The following PREX1 variants were observed in gnomAD, a reference collection of about 807,000 sequenced individuals.
The protein encoded by PREX1 is phosphatidylinositol 3,4,5-trisphosphate-dependent Rac exchanger 1 protein.
A neutral mutation model predicts 198.3 loss-of-function variants in PREX1; 41 were observed. That is an observed-to-expected ratio of 0.21 (90% CI 0.16 to 0.27). PREX1 has a LOEUF of 0.27. PREX1 is among the 10% of genes least tolerant of loss of function. PREX1 has a pLI of 1.00. For missense variants in PREX1, 1,620 were observed against 2,200.7 expected, an observed-to-expected ratio of 0.74 and a Z score of 5.28; for synonymous variants, 843 against 887.2, an observed-to-expected ratio of 0.95 and a Z score of 0.89.
intron 38 of PREX1, 102 bp from the exon 39 acceptor site, chr20:48,627,717 A>G: frequency 6.9e-7 from 1 of 1,445,040 alleles, no homozygotes. Flanking sequence ...AGGACCCAGA[A>G]GCTAAGATCC....
upstream of PREX1, among the ~76,000 whole-genome samples, chr20:48,830,578 C>T (rs557438526): frequency 2.5e-4 from 38 of 152,338 alleles, no homozygotes; most frequent in Non-Finnish European, 5.3e-4. Flanking sequence ...TTGGCCCACA[C>T]TGCCAAAAAA....
rs1281795164 is a variant in PREX1, at chr20:48,655,311, A to G, written c.2188T>C (p.Tyr730His). The change falls in exon 19 of 40, where the codon TAC becomes CAC. Residue 730 changes from tyrosine (Y) to histidine (H), a missense_variant. Tyr to His is a moderately conservative substitution (Grantham distance 83). Coordinates refer to ENST00000371941, the MANE Select transcript of PREX1 (RefSeq NM_020820.4). ...CFQIRGAAPP[Y>H]VYAVGRGSEA... ...TCACCTCTCCCCACAGCATAGACGT[A>G]CGGTGGGGCAGCTCCACGAATCTGG... 1.9e-6 allele frequency: 3 copies of G among 1,592,274 alleles called. No individual in the cohort carries two copies. Among genetic ancestry groups the G allele is most frequent in the South Asian group, 1.1e-5 (1 of 89,072 alleles).
chr20:48,701,564 C>T (rs923635461), intron 6 of PREX1, among the ~76,000 whole-genome samples: 4 of 151,912 alleles, frequency 2.6e-5, no homozygotes, highest in African/African-American at 7.3e-5. Flanking sequence ...TTCCCCACTA[C>T]TTATTTATGT....
At chr20:48,867,123 T>C in the PREX1 span, among the ~76,000 whole-genome samples, 1 of 152,282 alleles carries the variant, frequency 6.6e-6, no homozygotes, top group Non-Finnish European at 1.5e-5. Flanking sequence ...AAAGGAGGCC[T>C]CCTGCTCCCC....
chr20:48,639,824 G>A lies in PREX1; in HGVS notation c.3846C>T (p.Pro1282=), dbSNP rs935521278. The A allele has an allele frequency of 3.7e-6, 6 of 1,614,026 alleles. No individual in the cohort carries two copies. Among genetic ancestry groups the A allele is most frequent in the Non-Finnish European group, 8.5e-7 (1 of 1,180,022 alleles). ...SLIQISIQED[P]WNLPNSIKTL... ...TCTTGATGGAGTTGGGGAGGTTCCA[G>A]GGGTCCTCCTGGATGCTAATCTGGA... is the stretch of plus-strand genomic sequence containing the variant. Residue 1282 remains proline (P), a synonymous_variant, in exon 30 of 40, where the codon CCC becomes CCT. Coordinates refer to ENST00000371941, the MANE Select transcript of PREX1 (RefSeq NM_020820.4).
Position 48,827,569 on chromosome 20 carries a change from A to C in PREX1, c.219+73T>G. ...TTCTCCACCCACGGGGACCACGGCC[A>C]CAGGTTGTGGGGACCGCAGCGGGGC... On this transcript the variant is annotated intron_variant, in intron 1 of 39. Transcript: ENST00000371941. This position sits in a 1 kb window ranked among gnomAD's most constrained non-coding sequence, Gnocchi z 4.1. 2 of 1,096,356 alleles carry C rather than the reference A, an allele frequency of 1.8e-6. No individual in the cohort carries two copies. The highest frequency in any genetic ancestry group is 3.8e-5 in the East Asian group (1 of 26,488). 67.9% of individuals were successfully genotyped at this position (1,096,356 alleles called of 1,614,324 possible).
At chr20:48,672,166 C>T (rs981796976) in intron 14 of PREX1, among the ~76,000 whole-genome samples, 24 of 152,280 alleles carry the variant, frequency 1.6e-4, no homozygotes, top group African/African-American at 5.8e-4. Context: ...CTGGAGTGTT[C>T]CAGGGTGAAG....
the PREX1 span, among the ~76,000 whole-genome samples, chr20:48,860,675 A>C: frequency 1.3e-5 from 2 of 151,912 alleles, no homozygotes; most frequent in Admixed American, 6.6e-5. Flanking sequence ...CCCGTCTCTA[A>C]TAAAAATGCA....
At chr20:48,761,184 G>C (rs1327773204) in intron 1 of PREX1, among the ~76,000 whole-genome samples, 1 of 152,202 alleles carries the variant, frequency 6.6e-6, no homozygotes, top group Non-Finnish European at 1.5e-5. Flanking sequence ...TCAACAGCCG[G>C]GGCAAAGGCC....
chr20:48,651,417 G>A lies in PREX1; in HGVS notation c.2634C>T (p.Gly878=), dbSNP rs1296147061. The A allele has an allele frequency of 6.2e-7, 1 of 1,609,508 alleles. No homozygotes were observed. The highest frequency in any genetic ancestry group is 2.2e-5 in the East Asian group (1 of 44,770). ...AGACCTTGGCGGTGAGGCCGAAGCA[G>A]CCGCGGGGCTCCACGATCTTCTCCA... is the stretch of plus-strand genomic sequence containing the variant. The part of the protein sequence containing the change: ...HVLEKIVEPR[G]CFGLTAKILE... Residue 878 remains glycine (G), a synonymous_variant, in exon 22 of 40, where the codon GGC becomes GGT. Coordinates refer to ENST00000371941, the MANE Select transcript of PREX1 (RefSeq NM_020820.4).
rs1452035951 is a variant in PREX1, at chr20:48,659,954, T to G, written c.1846A>C (p.Lys616Gln). 4.3e-6 allele frequency: 7 copies of G among 1,614,228 alleles called. No individual in the cohort carries two copies. The highest frequency in any genetic ancestry group is 1.3e-5 in the African/African-American group (1 of 75,056). The change falls in exon 16 of 40, where the codon AAG (lysine) becomes CAG (glutamine). Residue 616 changes from lysine to glutamine, a missense_variant. This residue lies in a region of PREX1 where 488 missense variants were observed against 802.5 expected (regional missense o/e 0.61). Coordinates refer to ENST00000371941, the MANE Select transcript of PREX1 (RefSeq NM_020820.4). ...TTGGCCAGAATGTTCTCCACCAGCT[T>G]GAAGTCGTTGCGAAGCTGTTTGTTC... ...SKNKQLRNDF[K>Q]LVENILAKRL...
the PREX1 span, among the ~76,000 whole-genome samples, chr20:48,845,042 G>T: frequency 1.3e-5 from 2 of 152,100 alleles, no homozygotes; most frequent in African/African-American, 2.4e-5. Flanking sequence ...TAGATAAATG[G>T]CATCGCCATC....
At chr20:48,626,286 T>C (rs1035320689) in intron 39 of PREX1, among the ~76,000 whole-genome samples, 9 of 152,156 alleles carry the variant, frequency 5.9e-5, no homozygotes, top group Non-Finnish European at 1.0e-4. Flanking sequence ...GGAAACTCTA[T>C]ATGCAGAGAT....
chr20:48,761,213 T>C (rs1415091813), intron 1 of PREX1, among the ~76,000 whole-genome samples: 2 of 152,164 alleles, frequency 1.3e-5, no homozygotes, highest in Non-Finnish European at 2.9e-5. Context: ...CATTCAGTCT[T>C]TCCAGGACAA....
At chr20:48,733,954 T>G (rs982681217) in intron 4 of PREX1, among the ~76,000 whole-genome samples, 1 of 152,308 alleles carries the variant, frequency 6.6e-6, no homozygotes, top group Non-Finnish European at 1.5e-5. Context: ...GGTTTCACCA[T>G]GTTGGCCAGG....
intron 19 of PREX1, among the ~76,000 whole-genome samples, chr20:48,654,785 A>G (rs1429584244): frequency 6.6e-6 from 1 of 152,254 alleles, no homozygotes; most frequent in East Asian, 1.9e-4. Flanking sequence ...GCCCAGTATC[A>G]TAGACCTACT....
At chr20:48,744,227 G>A (rs1568847475) in intron 3 of PREX1, among the ~76,000 whole-genome samples, 1 of 152,132 alleles carries the variant, frequency 6.6e-6, no homozygotes, top group Admixed American at 6.5e-5. Context: ...TCTGGACATT[G>A]CCCATTGTCC....
Position 48,742,589 on chromosome 20 carries a change from C to T in PREX1, c.414+2436G>A, listed in dbSNP as rs1601108209. 2.6e-5 allele frequency among the ~76,000 whole-genome samples: 4 copies of T among 152,170 alleles called. No homozygotes were observed. The East Asian group carries it at 7.7e-4, about 29-fold the overall frequency. On this transcript the variant is annotated intron_variant, in intron 3 of 39. Transcript: ENST00000371941. ...TCCCACAAAGGCCTAAACATCCACC[C>T]TCCACACGTCATGACTCTGATGGTA...
At chr20:48,866,096 G>A in the PREX1 span, among the ~76,000 whole-genome samples, 2 of 152,026 alleles carry the variant, frequency 1.3e-5, no homozygotes, top group Admixed American at 6.6e-5. Flanking sequence ...CTACAAGTGT[G>A]TGCCACCATA....
Sources: gnomAD v4.1 joint callset for allele counts (sites outside exome capture counted in the v4.1 genomes callset) on GRCh38, gnomAD v4.1.1 for gene constraint, gnomAD v4.1.1 regional missense constraint, Gnocchi (gnomAD v3.1) non-coding constraint, MANE v1.5 for transcripts, NCBI Gene and HGNC (gene_info 2026-07-23, HGNC 2026-07-21) for gene names.